Variants in UBE2K observed in about 807,000 individuals in gnomAD.
UBE2K encodes ubiquitin conjugating enzyme E2 K.
UBE2K carries 6 observed loss-of-function variants against 30.0 expected under a neutral mutation model. The observed-to-expected ratio is 0.20, with a 90% CI of 0.11 to 0.39. The LOEUF (loss-of-function observed/expected upper bound fraction) is 0.39, where lower values mean the gene tolerates loss of function less well. Among genes scored for constraint, UBE2K ranks in the 10% least tolerant of loss-of-function variants. The probability of loss-of-function intolerance (pLI) is 1.00; values close to 1 mark genes in which losing one functional copy is unlikely to be tolerated. For synonymous variants in UBE2K, 86 were observed against 83.7 expected, an observed-to-expected ratio of 1.03 and a Z score of -0.15; for missense variants, 61 against 241.6, an observed-to-expected ratio of 0.25 and a Z score of 4.96.
At chr4:39,720,995 C>T (rs1021424438) in intron 1 of UBE2K, among the ~76,000 whole-genome samples, 1 of 152,168 alleles carries the variant, frequency 6.6e-6, no homozygotes, top group Non-Finnish European at 1.5e-5. Context: ...GATTTTCCTG[C>T]CTTGGCTTTC....
intron 4 of UBE2K, among the ~76,000 whole-genome samples, chr4:39,769,141 G>A (rs1411400729): frequency 6.6e-6 from 1 of 151,048 alleles, no homozygotes; most frequent in African/African-American, 2.4e-5. Context: ...CTAATTAACA[G>A]TATTTGTCAA....
chr4:39,773,272 A>T lies in UBE2K; in HGVS notation c.300-1562A>T, dbSNP rs186983379. On this transcript the variant is annotated intron_variant, in intron 4 of 6. Coordinates refer to ENST00000261427, the MANE Select transcript of UBE2K (RefSeq NM_005339.5). ...ATCACAAGGTCAGGAGATCAAGACCATCCTGTGTCTCACGGTGAAACCCTG... is the reference window on the plus strand; with the variant it reads ...ATCACAAGGTCAGGAGATCAAGACCTTCCTGTGTCTCACGGTGAAACCCTG... Among the ~76,000 whole-genome samples the T allele has an allele frequency of 3.3e-4, 50 of 151,228 alleles. No homozygotes were observed. The South Asian group carries it at 4.8e-3, about 15-fold the overall frequency.
intron 1 of UBE2K, among the ~76,000 whole-genome samples, chr4:39,705,194 G>GTTTT (rs57314034): frequency 9.3e-6 from 1 of 107,442 alleles, no homozygotes; most frequent in Non-Finnish European, 1.9e-5. Flanking sequence ...CTGCACCTGG[G>GTTTT]TTTTTTTTTT....
At chr4:39,712,695 C>A (rs1718776650) in intron 1 of UBE2K, among the ~76,000 whole-genome samples, 1 of 152,038 alleles carries the variant, frequency 6.6e-6, no homozygotes, top group Admixed American at 6.6e-5. Flanking sequence ...GCTGGGATTA[C>A]AGGCGTGAGC....
At chr4:39,753,782 G>A (rs953806686) in intron 3 of UBE2K, among the ~76,000 whole-genome samples, 1 of 152,176 alleles carries the variant, frequency 6.6e-6, no homozygotes, top group Non-Finnish European at 1.5e-5. Context: ...GTGTGGGATA[G>A]AGGTAAAAAT....
chr4:39,744,921 T>A (rs965684950), intron 2 of UBE2K, among the ~76,000 whole-genome samples: 118 of 147,724 alleles, frequency 8.0e-4, no homozygotes, highest in African/African-American at 1.9e-3. Flanking sequence ...AAAAAAAAAA[T>A]AAATTAAATA....
chr4:39,759,944 G>T (rs896957769), intron 4 of UBE2K, among the ~76,000 whole-genome samples: 2 of 152,132 alleles, frequency 1.3e-5, no homozygotes, highest in African/African-American at 4.8e-5. Flanking sequence ...GGGAGGCCAA[G>T]GTAGGTGGAT....
chr4:39,777,959 A>G (rs888575102), intron 6 of UBE2K, 149 bp downstream of exon 6: 3 of 682,982 alleles, frequency 4.4e-6, no homozygotes, highest in East Asian at 6.5e-5. Context: ...TTAGCTGGAC[A>G]TGGTAGTGAG....
intron 4 of UBE2K, among the ~76,000 whole-genome samples, chr4:39,759,282 A>T (rs899864125): frequency 3.3e-5 from 5 of 151,904 alleles, no homozygotes; most frequent in African/African-American, 7.3e-5. Flanking sequence ...GTTTATTATT[A>T]TTATTTTTTT....
intron 4 of UBE2K, among the ~76,000 whole-genome samples, chr4:39,758,402 G>A (rs1309432250): frequency 6.6e-6 from 1 of 152,208 alleles, no homozygotes; most frequent in Non-Finnish European, 1.5e-5. Flanking sequence ...TTGCCGCCAC[G>A]TGCAGTGGCT....
At chr4:39,717,432 C>T (rs1475210522) in intron 1 of UBE2K, among the ~76,000 whole-genome samples, 5 of 151,942 alleles carry the variant, frequency 3.3e-5, no homozygotes, top group African/African-American at 4.8e-5. Flanking sequence ...GGTTTCACCA[C>T]GTTGATCAGG....
At chr4:39,701,759 T>C (rs555374880) in intron 1 of UBE2K, among the ~76,000 whole-genome samples, 3 of 147,488 alleles carry the variant, frequency 2.0e-5, no homozygotes, top group South Asian at 4.4e-4. Context: ...CTTTCTTTCA[T>C]GTTTTTTTTT....
chr4:39,699,723 T>TC (rs1449299132), intron 1 of UBE2K, among the ~76,000 whole-genome samples: 1 of 152,194 alleles, frequency 6.6e-6, no homozygotes, highest in Non-Finnish European at 1.5e-5. Context: ...AATTCAGCAT[T>TC]CTAAGTATGT....
intron 1 of UBE2K, among the ~76,000 whole-genome samples, chr4:39,704,248 A>G (rs1406076811): frequency 6.6e-6 from 1 of 151,982 alleles, no homozygotes; most frequent in Non-Finnish European, 1.5e-5. Context: ...AGAGCAACAC[A>G]CTGTCTCCAA....
intron 2 of UBE2K, among the ~76,000 whole-genome samples, chr4:39,738,191 T>C (rs1177985149): frequency 6.6e-6 from 1 of 152,200 alleles, no homozygotes; most frequent in Non-Finnish European, 1.5e-5. Context: ...TAACCAAGGC[T>C]CTTGCATTAA....
At chr4:39,763,282 GC>G (rs1366903979) in intron 4 of UBE2K, among the ~76,000 whole-genome samples, 4 of 146,802 alleles carry the variant, frequency 2.7e-5, no homozygotes, top group Admixed American at 6.9e-5. Flanking sequence ...ACAGAGTTTC[GC>G]TCTTGTTACC....
At chr4:39,769,627 C>A (rs13103577) in intron 4 of UBE2K, among the ~76,000 whole-genome samples, 25,953 of 150,254 alleles carry the variant, frequency 0.17, 3,949 homozygotes, top group African/African-American at 0.41. Flanking sequence ...CACCCCAGGC[C>A]TATTATAAGC....
chr4:39,750,152 C>T (rs1328992102), intron 3 of UBE2K, among the ~76,000 whole-genome samples: 1 of 152,076 alleles, frequency 6.6e-6, no homozygotes, highest in Non-Finnish European at 1.5e-5. Flanking sequence ...TAAGATCGCA[C>T]CACTGCACTC....
chr4:39,745,895 A>G, intron 3 of UBE2K, 85 bp downstream of exon 3: 1 of 1,038,132 alleles, frequency 9.6e-7, no homozygotes, highest in South Asian at 1.8e-5. Flanking sequence ...TTTAGGGCTT[A>G]TTAAAGTCAC....
Sources: allele counts gnomAD v4.1 joint callset (sites outside exome capture counted in the v4.1 genomes callset), GRCh38; gene constraint gnomAD v4.1.1; transcripts MANE v1.5; gene names NCBI Gene and HGNC (gene_info 2026-07-23, HGNC 2026-07-21).